COX18: variants seen among roughly 807,000 people sequenced by gnomAD.
The protein encoded by COX18 is cytochrome c oxidase assembly protein COX18, mitochondrial.
In COX18, 45 loss-of-function variants were observed where a neutral mutation model predicts 38.0. That is an observed-to-expected ratio of 1.18 (90% confidence interval 0.93 to 1.52). The LOEUF (loss-of-function observed/expected upper bound fraction) is 1.52, where lower values mean the gene tolerates loss of function less well. Among genes scored for constraint, COX18 ranks in the 40% most tolerant of loss-of-function variants. The pLI is 0.00. For missense variants in COX18, 462 were observed against 423.8 expected (o/e 1.09, Z -0.79); for synonymous variants, 177 against 169.8 (o/e 1.04, Z -0.33).
chr4:73,054,386 A>G lies in COX18; in HGVS notation c.*3728T>C, dbSNP rs192661473. On this transcript the variant is annotated 3_prime_UTR_variant, in exon 6 of 6. Coordinates refer to ENST00000507544, the MANE Select transcript of COX18 (RefSeq NM_001297732.2). ...TTTACTAAAAAAAATCTGCCTGAAG[A>G]AAAAAATCAAGAGTATTTACCATCC... is the stretch of plus-strand genomic sequence containing the variant. 12 of 152,358 alleles carry G rather than the reference A, an allele frequency of 7.9e-5. No homozygotes were observed. The highest frequency in any genetic ancestry group is 2.4e-4 in the African/African-American group (10 of 41,580). The allele number at this position is 152,358 out of a possible 1,614,324, so 9.4% of individuals were successfully genotyped here. A position where few individuals can be genotyped will look rare whatever the true frequency, so the allele number is the denominator to read the frequency against.
intron 4 of COX18, among the ~76,000 whole-genome samples, chr4:73,063,262 C>T (rs564908960): frequency 1.3e-5 from 2 of 152,186 alleles, no homozygotes; most frequent in East Asian, 1.9e-4. Flanking sequence ...GTGGAGATCA[C>T]ACCACTGCAC....
intron 5 of COX18, among the ~76,000 whole-genome samples, chr4:73,059,123 C>T (rs1007311805): frequency 1.3e-5 from 2 of 152,138 alleles, no homozygotes; most frequent in East Asian, 1.9e-4. Context: ...TCTGTGGCCC[C>T]GGGTGACCAT....
In COX18 at chr4:73,057,034, T is replaced by C. The variant is rs1331309383; in HGVS notation, c.*1080A>G. 1 of 152,016 alleles carries C rather than the reference T, an allele frequency of 6.6e-6. No individual in the cohort carries two copies. Among genetic ancestry groups the C allele is most frequent in the Non-Finnish European group, 1.5e-5 (1 of 68,286 alleles). 9.4% of individuals were successfully genotyped at this position (152,016 alleles called of 1,614,324 possible). A position where few individuals can be genotyped will look rare whatever the true frequency, so the allele number is the denominator to read the frequency against. On this transcript the variant is annotated 3_prime_UTR_variant, in exon 6 of 6. Coordinates refer to ENST00000507544, the MANE Select transcript of COX18 (RefSeq NM_001297732.2). The stretch of plus-strand genomic sequence containing the variant: ...TACCCAGTAGGCTGAGGTAGGAGAA[T>C]TGCTTGAACACGGGAGGCAGAGGTT...
At chr4:73,063,389 G>A (rs1208123957) in intron 4 of COX18, among the ~76,000 whole-genome samples, 2 of 152,104 alleles carry the variant, frequency 1.3e-5, no homozygotes, top group Admixed American at 1.3e-4. Flanking sequence ...CTTTTAATAA[G>A]CTTTTATTTT....
At chr4:73,063,983 G>A (rs1029114829) in intron 4 of COX18, among the ~76,000 whole-genome samples, 7 of 152,130 alleles carry the variant, frequency 4.6e-5, no homozygotes, top group Non-Finnish European at 7.4e-5. Flanking sequence ...CTGTGATAAG[G>A]GTTAAGACAT....
At position 73,055,746 on chromosome 4, in the gene COX18, G is replaced by C. The variant is rs1417641747; in HGVS notation, c.*2368C>G. On this transcript the variant is annotated 3_prime_UTR_variant, in exon 6 of 6. Coordinates refer to ENST00000507544, the MANE Select transcript of COX18 (RefSeq NM_001297732.2). ...ATTTTTGCCTACAAATGGCTCAAAA[G>C]CACTTGTGCAAGTACTGGTTCTGGG... 1 of 152,174 alleles carries C rather than the reference G, an allele frequency of 6.6e-6. No homozygotes were observed. Among genetic ancestry groups the C allele is most frequent in the East Asian group, 1.9e-4 (1 of 5,194 alleles). The allele number at this position is 152,174 out of a possible 1,614,324, so 9.4% of individuals were successfully genotyped here. A position where few individuals can be genotyped will look rare whatever the true frequency, so the allele number is the denominator to read the frequency against.
intron 3 of COX18, 138 bp downstream of exon 3, chr4:73,065,112 C>A: frequency 1.0e-6 from 1 of 952,460 alleles, no homozygotes; most frequent in Non-Finnish European, 1.5e-6. Context: ...ACACTTAAGA[C>A]TTTAAATTCT....
intron 3 of COX18, 105 bp from the exon 4 acceptor site, chr4:73,065,007 C>G: frequency 8.8e-7 from 1 of 1,141,320 alleles, no homozygotes; most frequent in Non-Finnish European, 1.3e-6. Context: ...GTGTCCCTCA[C>G]AGGAAAGATC....
Position 73,055,355 on chromosome 4 carries a change from T to C in COX18, c.*2759A>G, listed in dbSNP as rs1428945960. 2.0e-5 allele frequency: 3 copies of C among 152,224 alleles called. No individual in the cohort carries two copies. The highest frequency in any genetic ancestry group is 4.4e-5 in the Non-Finnish European group (3 of 68,038). The allele number at this position is 152,224 out of a possible 1,614,324, so 9.4% of individuals were successfully genotyped here. On this transcript the variant is annotated 3_prime_UTR_variant, in exon 6 of 6. Coordinates refer to ENST00000507544, the MANE Select transcript of COX18 (RefSeq NM_001297732.2). ...AAACACTGAAGTAGTGAATACCAAA[T>C]CACTGCTCCTAGAAAACATACAGGG...
Position 73,067,088 on chromosome 4 carries a change from C to T in COX18, c.434+941G>A, listed in dbSNP as rs566254613. 1.6e-3 allele frequency among the ~76,000 whole-genome samples: 243 copies of T among 152,254 alleles called. 1 individual carries two copies. Among genetic ancestry groups the T allele is most frequent in the Middle Eastern group, 0.01 (3 of 294 alleles). On this transcript the variant is annotated intron_variant, in intron 2 of 5. Transcript: ENST00000507544. The stretch of plus-strand genomic sequence containing the variant: ...GAATGAATGCAGACATCCTTGGGCG[C>T]AATCAAGCACCCTTAGATTGGGACT...
chr4:73,067,355 A>G (rs999166691), intron 2 of COX18, among the ~76,000 whole-genome samples: 7 of 152,184 alleles, frequency 4.6e-5, no homozygotes, highest in South Asian at 2.1e-4. Flanking sequence ...TTCCTTGATG[A>G]TCTAGCTCCT....
At chr4:73,067,969 TGTG>T in intron 2 of COX18, 57 bp downstream of exon 2, 1 of 921,596 alleles carries the variant, frequency 1.1e-6, no homozygotes, top group Non-Finnish European at 1.8e-6. Flanking sequence ...TGTGTGTGTG[TGTG>T]TGTGTGTGTG....
rs766810450 is a variant in COX18, at chr4:73,069,675, C to T, written c.-26G>A. ...TTCTGCACCACGGCGGAGCCCAGAT[C>T]CCGGGCCTCACAATCCAGCGGACAT... is the stretch of plus-strand genomic sequence containing the variant. On this transcript the variant is annotated 5_prime_UTR_variant, in exon 1 of 6. Coordinates refer to ENST00000507544, the MANE Select transcript of COX18 (RefSeq NM_001297732.2). The T allele has an allele frequency of 1.0e-5, 16 of 1,536,586 alleles. No individual in the cohort carries two copies. The highest frequency in any genetic ancestry group is 1.4e-5 in the Non-Finnish European group (16 of 1,146,392).
rs994444394 is a variant in COX18 at position 73,053,114 on chromosome 4, A to G, written c.*5000T>C. On this transcript the variant is annotated 3_prime_UTR_variant, in exon 6 of 6. Transcript: ENST00000507544. ...GGGCACTCATTTTTTCACACTAACT[A>G]CAATTTTCCCAATGTCATCTAGGAG... 14 of 152,190 alleles carry G rather than the reference A, an allele frequency of 9.2e-5. No individual in the cohort carries two copies. Among genetic ancestry groups the G allele is most frequent in the African/African-American group, 3.4e-4 (14 of 41,442 alleles). The allele number at this position is 152,190 out of a possible 1,614,324, so 9.4% of individuals were successfully genotyped here. A position where few individuals can be genotyped will look rare whatever the true frequency, so the allele number is the denominator to read the frequency against.
rs1406291984 is a variant in COX18, at chr4:73,052,376, GTATTTT to G, written c.*5732_*5737del. On this transcript the variant is annotated 3_prime_UTR_variant, in exon 6 of 6. Coordinates refer to ENST00000507544, the MANE Select transcript of COX18 (RefSeq NM_001297732.2). ...AGATCAAATTCTTACTTATATAGTT[GTATTTT>G]TATTTTTATATAAATTTATATTCTT... 6.6e-6 allele frequency: 1 copy of G among 151,876 alleles called. No individual in the cohort carries two copies. Among genetic ancestry groups the G allele is most frequent in the Non-Finnish European group, 1.5e-5 (1 of 67,970 alleles). The allele number at this position is 151,876 out of a possible 1,614,324, so 9.4% of individuals were successfully genotyped here. A position where few individuals can be genotyped will look rare whatever the true frequency, so the allele number is the denominator to read the frequency against.
intron 4 of COX18, among the ~76,000 whole-genome samples, chr4:73,063,312 A>C (rs748881918): frequency 2.1e-4 from 32 of 152,014 alleles, no homozygotes; most frequent in Non-Finnish European, 4.0e-4. Flanking sequence ...TCTCAAGAAA[A>C]AAACAAACAA....
rs367592384 is a variant in COX18 at position 73,064,884 on chromosome 4, T to C, written c.617A>G (p.Glu206Gly). Reference protein sequence around the residue: ...AHSEAGFSVQEQLATGGILWF... With the variant: ...AHSEAGFSVQGQLATGGILWF... ...CAGAATTCCACCAGTAGCTAACTGT[T>C]CCTGAACAGAAAAACCTGCTAAAAC... The change falls in exon 4 of 6, where the codon GAA becomes GGA. Residue 206 changes from glutamate (E) to glycine (G), a missense_variant. Physicochemically the swap from Glu to Gly is moderately conservative, Grantham distance 98 (BLOSUM62 -2). Coordinates refer to ENST00000507544, the MANE Select transcript of COX18 (RefSeq NM_001297732.2). 283 of 1,613,692 alleles carry C rather than the reference T, an allele frequency of 1.8e-4. No individual in the cohort carries two copies. The highest frequency in any genetic ancestry group is 2.2e-4 in the Non-Finnish European group (264 of 1,179,860).
intron 5 of COX18, among the ~76,000 whole-genome samples, chr4:73,060,654 G>A (rs542609343): frequency 6.6e-6 from 1 of 152,218 alleles, no homozygotes; most frequent in Non-Finnish European, 1.5e-5. Context: ...GCCGAGGCGG[G>A]TGGATCACCT....
At chr4:73,060,516 C>T (rs1455931509) in intron 5 of COX18, among the ~76,000 whole-genome samples, 1 of 152,054 alleles carries the variant, frequency 6.6e-6, no homozygotes, top group African/African-American at 2.4e-5. Context: ...GGATTAATGA[C>T]AGTATTATGT....
Sources: allele counts gnomAD v4.1 joint callset (sites outside exome capture counted in the v4.1 genomes callset), GRCh38; gene constraint gnomAD v4.1.1; transcripts MANE v1.5; gene names NCBI Gene and HGNC (gene_info 2026-07-23, HGNC 2026-07-21).